The following DNER variants were observed in gnomAD, a reference collection of about 807,000 sequenced individuals.
The protein encoded by DNER is delta and Notch-like epidermal growth factor-related receptor.
DNER carries 33 observed loss-of-function variants against 78.2 expected under a neutral mutation model. That is an observed-to-expected ratio of 0.42 (90% CI 0.32 to 0.56). DNER has a LOEUF of 0.56. Ranked by LOEUF, DNER falls within the 20% of genes least tolerant of loss-of-function variation. The pLI, the probability that DNER is intolerant of heterozygous loss-of-function variation, is 0.11. For synonymous variants in DNER, 417 were observed against 384.8 expected, an observed-to-expected ratio of 1.08 and a Z score of -0.98; for missense variants, 918 against 975.3, an observed-to-expected ratio of 0.94 and a Z score of 0.78.
At chr2:229,480,921 A>G (rs1305434317) in intron 6 of DNER, among the ~76,000 whole-genome samples, 10 of 152,368 alleles carry the variant, frequency 6.6e-5, no homozygotes, top group African/African-American at 2.4e-4. Flanking sequence ...GCATATTGAC[A>G]TGTCTGTGGG....
At chr2:229,502,829 T>C (rs1016939751) in intron 6 of DNER, among the ~76,000 whole-genome samples, 1 of 152,168 alleles carries the variant, frequency 6.6e-6, no homozygotes, top group African/African-American at 2.4e-5. Flanking sequence ...CAGGCAGGGC[T>C]GGTTTACCTG....
intron 1 of DNER, among the ~76,000 whole-genome samples, chr2:229,650,901 C>G (rs1574943544): frequency 6.6e-6 from 1 of 152,264 alleles, no homozygotes; most frequent in Non-Finnish European, 1.5e-5. Flanking sequence ...GTGGATGGGG[C>G]CTGGGATCAA....
intron 7 of DNER, among the ~76,000 whole-genome samples, chr2:229,459,488 G>T (rs1267906404): frequency 6.6e-6 from 1 of 152,002 alleles, no homozygotes; most frequent in African/African-American, 2.4e-5. Context: ...CCGAGCAATT[G>T]GTATCTATTC....
At chr2:229,558,927 C>G (rs1188768753) in intron 4 of DNER, among the ~76,000 whole-genome samples, 1 of 152,116 alleles carries the variant, frequency 6.6e-6, no homozygotes, top group East Asian at 1.9e-4. Flanking sequence ...GATGTGGATT[C>G]CTTGCCAAGC....
chr2:229,546,882 T>A (rs1432281004), intron 5 of DNER, 65 bp downstream of exon 5: 1 of 1,598,440 alleles, frequency 6.3e-7, no homozygotes, highest in Admixed American at 1.7e-5. Flanking sequence ...CACATACTTA[T>A]GTATTTATTC....
In DNER at chr2:229,520,688, C is replaced by T. The variant is rs151326645; in HGVS notation, c.994-7752G>A. ...GCTAAAACTCGGAAACACTGGAATTCCATTTGAGCATCCCACATCTGGCTC... is the reference window on the plus strand; with the variant it reads ...GCTAAAACTCGGAAACACTGGAATTTCATTTGAGCATCCCACATCTGGCTC... On this transcript the variant is annotated intron_variant, in intron 5 of 12. Coordinates refer to ENST00000341772, the MANE Select transcript of DNER (RefSeq NM_139072.4). Among the ~76,000 whole-genome samples the T allele has an allele frequency of 7.3e-3, 1,106 of 152,242 alleles. 16 individuals carry two copies. The highest frequency in any genetic ancestry group is 0.014 in the Middle Eastern group (4 of 294).
At position 229,387,586 on chromosome 2, in the gene DNER, A is replaced by G. The variant is rs1007610597; in HGVS notation, c.1855+679T>C. ...AAGAAAGAAAAGAAAGAAGGAAGGA[A>G]GGAAAGAAGGAAAGGCAAGCAAGCT... On this transcript the variant is annotated intron_variant, in intron 11 of 12. Coordinates refer to ENST00000341772, the MANE Select transcript of DNER (RefSeq NM_139072.4). Among the ~76,000 whole-genome samples the G allele has an allele frequency of 3.6e-4, 54 of 152,070 alleles. 1 individual carries two copies. Among genetic ancestry groups the G allele is most frequent in the African/African-American group, 1.2e-3 (48 of 41,496 alleles).
rs552219427 is a variant in DNER, at chr2:229,625,597, A to G, written c.277-33709T>C. ...GTAGGATTTAAGCTCTAGAACCAAC[A>G]AAGAGCCTCTTATCAAAAGCTTACA... On this transcript the variant is annotated intron_variant, in intron 1 of 12. Coordinates refer to ENST00000341772, the MANE Select transcript of DNER (RefSeq NM_139072.4). 2.6e-5 allele frequency among the ~76,000 whole-genome samples: 4 copies of G among 152,350 alleles called. No homozygotes were observed. The East Asian group carries it at 5.8e-4, about 22-fold the overall frequency.
chr2:229,462,591 T>C (rs1234442273), intron 7 of DNER, among the ~76,000 whole-genome samples: 2 of 152,102 alleles, frequency 1.3e-5, no homozygotes, highest in Admixed American at 6.5e-5. Flanking sequence ...GATACAACTA[T>C]TAATATTTCG....
intron 1 of DNER, among the ~76,000 whole-genome samples, chr2:229,709,710 G>A (rs1057120961): frequency 1.2e-4 from 19 of 152,092 alleles, no homozygotes; most frequent in African/African-American, 4.3e-4. Context: ...TCCAAGTGCA[G>A]AAATTAACAC....
intron 5 of DNER, among the ~76,000 whole-genome samples, chr2:229,523,476 C>T (rs527595562): frequency 5.3e-4 from 81 of 152,302 alleles, no homozygotes; most frequent in African/African-American, 1.9e-3. Flanking sequence ...AGTCTTTACT[C>T]TGTGTTTGTC....
At chr2:229,608,523 T>C (rs984812700) in intron 1 of DNER, among the ~76,000 whole-genome samples, 1 of 152,168 alleles carries the variant, frequency 6.6e-6, no homozygotes, top group African/African-American at 2.4e-5. Context: ...CGCATGAAAA[T>C]TTAAATGAAC....
chr2:229,417,615 G>T (rs1373054315), intron 9 of DNER, among the ~76,000 whole-genome samples: 1 of 151,864 alleles, frequency 6.6e-6, no homozygotes, highest in Non-Finnish European at 1.5e-5. Context: ...CACATTAGGG[G>T]TTAGAACGGG....
chr2:229,421,921 A>G (rs1693774818), intron 8 of DNER, among the ~76,000 whole-genome samples: 1 of 152,168 alleles, frequency 6.6e-6, no homozygotes, highest in African/African-American at 2.4e-5. Flanking sequence ...AAATCAAACA[A>G]GCAAGTTTTG....
At position 229,517,500 on chromosome 2, in the gene DNER, G is replaced by A. The variant is rs763959212; in HGVS notation, c.994-4564C>T. On this transcript the variant is annotated intron_variant, in intron 5 of 12. Transcript: ENST00000341772. Reference sequence around the variant, plus strand: ...GCAGAGTGGCCATGGAGGCATCCGAGGAAAGGTATTCCAGGTGAGGGGAAC... The same window carrying A: ...GCAGAGTGGCCATGGAGGCATCCGAAGAAAGGTATTCCAGGTGAGGGGAAC... Among the ~76,000 whole-genome samples the A allele has an allele frequency of 5.9e-5, 9 of 152,242 alleles. No individual in the cohort carries two copies. The East Asian group carries it at 1.5e-3, about 26-fold the overall frequency.
intron 1 of DNER, among the ~76,000 whole-genome samples, chr2:229,608,021 C>CAAAAAA (rs57795249): frequency 3.5e-5 from 3 of 86,240 alleles, no homozygotes; most frequent in South Asian, 4.5e-4. Flanking sequence ...AACTCTGTCT[C>CAAAAAA]AAAAAAAAAA....
chr2:229,483,323 A>G (rs191685462), intron 6 of DNER, among the ~76,000 whole-genome samples: 3 of 152,338 alleles, frequency 2.0e-5, no homozygotes, highest in East Asian at 3.9e-4. Context: ...AAGAAGAGAT[A>G]GAGCCAAGTA....
intron 8 of DNER, among the ~76,000 whole-genome samples, chr2:229,419,688 A>T (rs2106349842): frequency 6.6e-6 from 1 of 152,132 alleles, no homozygotes; most frequent in East Asian, 1.9e-4. Context: ...GGAGCCCTTG[A>T]CCTACCTAAG....
intron 6 of DNER, among the ~76,000 whole-genome samples, chr2:229,503,479 C>T (rs1168077322): frequency 6.6e-6 from 1 of 152,188 alleles, no homozygotes; most frequent in East Asian, 1.9e-4. Context: ...ATAGGATGCA[C>T]TATCATCTCG....
Sources: gnomAD v4.1 joint callset for allele counts (sites outside exome capture counted in the v4.1 genomes callset) on GRCh38, gnomAD v4.1.1 for gene constraint, MANE v1.5 for transcripts, NCBI Gene and HGNC (gene_info 2026-07-23, HGNC 2026-07-21) for gene names.